The following RICTOR variants were observed in gnomAD, a reference collection of about 807,000 sequenced individuals.
RICTOR encodes rapamycin-insensitive companion of mTOR.
In RICTOR, 49 loss-of-function variants were observed where a neutral mutation model predicts 214.9. The observed-to-expected ratio is 0.23, with a 90% confidence interval of 0.18 to 0.29. The LOEUF is 0.29. RICTOR is among the 10% of genes least tolerant of loss of function. RICTOR has a pLI of 1.00. For synonymous variants in RICTOR, 717 were observed against 711.3 expected (o/e 1.01, Z -0.13); for missense variants, 1,625 against 2,047.0 (o/e 0.79, Z 3.98).
At chr5:38,984,706 T>A (rs1239264) in intron 7 of RICTOR, among the ~76,000 whole-genome samples, 1 of 152,078 alleles carries the variant, frequency 6.6e-6, no homozygotes, top group Admixed American at 6.5e-5. Flanking sequence ...CAAGAAGGAA[T>A]GTAACCAACA....
At chr5:39,061,096 T>C (rs1561077430) in intron 2 of RICTOR, among the ~76,000 whole-genome samples, 1 of 152,084 alleles carries the variant, frequency 6.6e-6, no homozygotes, top group African/African-American at 2.4e-5. Context: ...TCAAAGACGA[T>C]TAAACATTTA....
At chr5:39,071,257 T>C (rs1257956623) in intron 2 of RICTOR, among the ~76,000 whole-genome samples, 1 of 152,230 alleles carries the variant, frequency 6.6e-6, no homozygotes, top group Non-Finnish European at 1.5e-5. Flanking sequence ...AGACTTAATT[T>C]ATTGGTAATG....
chr5:38,984,168 T>C (rs1262016947), intron 7 of RICTOR, among the ~76,000 whole-genome samples: 3 of 151,924 alleles, frequency 2.0e-5, no homozygotes, highest in Admixed American at 6.6e-5. Context: ...TGTGAGTGAC[T>C]GGAAATTAAA....
intron 11 of RICTOR, chr5:38,970,032 G>A (rs1008873947): frequency 5.9e-5 from 9 of 151,952 alleles, no homozygotes; most frequent in Admixed American, 1.3e-4. Context: ...TTAGATACAC[G>A]AATTCCATTG....
chr5:38,990,614 TACG>T (rs1370976120), intron 7 of RICTOR, among the ~76,000 whole-genome samples: 1 of 101,066 alleles, frequency 9.9e-6, no homozygotes, highest in South Asian at 2.8e-4. Flanking sequence ...ATGATATATA[TACG>T]ATATATGATA....
intron 2 of RICTOR, among the ~76,000 whole-genome samples, chr5:39,025,744 C>T (rs917210947): frequency 6.6e-6 from 1 of 152,128 alleles, no homozygotes; most frequent in Non-Finnish European, 1.5e-5. Context: ...GGCACTAATT[C>T]CACTTGTGAG....
intron 10 of RICTOR, among the ~76,000 whole-genome samples, chr5:38,972,174 T>TA (rs1750843061): frequency 6.6e-6 from 1 of 152,228 alleles, no homozygotes; most frequent in African/African-American, 2.4e-5. Context: ...TTTCGTCATT[T>TA]AAATTCCATC....
chr5:38,940,031 T>TG lies in RICTOR; in HGVS notation c.*2272_*2273insC. 4.4e-6 allele frequency: 1 copy of TG among 226,674 alleles called. No individual in the cohort carries two copies. The highest frequency in any genetic ancestry group is 8.8e-6 in the Non-Finnish European group (1 of 114,212). 14.0% of individuals were successfully genotyped at this position (226,674 alleles called of 1,614,324 possible). The stretch of plus-strand genomic sequence containing the variant: ...ATTTAAGCGTAGACTTTTTTTTTTT[T>TG]TTAGTATACTGATAACCACAAAGCT... On this transcript the variant is annotated 3_prime_UTR_variant, in exon 38 of 38. Transcript: ENST00000357387.
At chr5:39,006,051 G>A in intron 3 of RICTOR, among the ~76,000 whole-genome samples, 1 of 152,166 alleles carries the variant, frequency 6.6e-6, no homozygotes. Flanking sequence ...ATCTAGGTAG[G>A]ACTCCACCAA....
chr5:39,028,208 A>C (rs1200899071), intron 2 of RICTOR, among the ~76,000 whole-genome samples: 1 of 94,028 alleles, frequency 1.1e-5, no homozygotes, highest in South Asian at 3.8e-4. Flanking sequence ...TTTGAGACGG[A>C]GTCTCGCTCT....
chr5:39,040,542 A>G (rs1449045975), intron 2 of RICTOR, among the ~76,000 whole-genome samples: 2 of 152,254 alleles, frequency 1.3e-5, no homozygotes, highest in Non-Finnish European at 2.9e-5. Context: ...TTTACTTAGA[A>G]TATGTTTTAT....
rs559827985 is a variant in RICTOR, at chr5:38,941,413, T to G, written c.*891A>C. On this transcript the variant is annotated 3_prime_UTR_variant, in exon 38 of 38. Coordinates refer to ENST00000357387, the MANE Select transcript of RICTOR (RefSeq NM_152756.5). ...TCTTTTCCTCAGGAGATCCAAAGTATTATTTAATGCTTTCCTATCCTTTAG... is the reference window on the plus strand; with the variant it reads ...TCTTTTCCTCAGGAGATCCAAAGTAGTATTTAATGCTTTCCTATCCTTTAG... The G allele has an allele frequency of 1.1e-4, 25 of 231,976 alleles. No homozygotes were observed. Among genetic ancestry groups the G allele is most frequent in the Non-Finnish European group, 1.8e-4 (21 of 117,086 alleles). 14.4% of individuals were successfully genotyped at this position (231,976 alleles called of 1,614,324 possible).
Position 38,938,565 on chromosome 5 carries a change from C to T in RICTOR, c.*3739G>A, listed in dbSNP as rs1320442281. On this transcript the variant is annotated 3_prime_UTR_variant, in exon 38 of 38. Transcript: ENST00000357387. ...TTATGCATGCTGTGGTGCAGCTATC[C>T]GATACTTACATTACAAAAATACTCC... The T allele has an allele frequency of 8.6e-6, 2 of 232,474 alleles. No individual in the cohort carries two copies. Among genetic ancestry groups the T allele is most frequent in the African/African-American group, 2.2e-5 (1 of 45,238 alleles). 14.4% of individuals were successfully genotyped at this position (232,474 alleles called of 1,614,324 possible).
chr5:39,043,454 A>C (rs1018032787), intron 2 of RICTOR, among the ~76,000 whole-genome samples: 3 of 152,202 alleles, frequency 2.0e-5, no homozygotes, highest in Non-Finnish European at 4.4e-5. Flanking sequence ...AGTACAGAGT[A>C]GAAGAGTGGA....
chr5:39,005,462 T>C (rs1753984549), intron 3 of RICTOR, among the ~76,000 whole-genome samples: 1 of 152,178 alleles, frequency 6.6e-6, no homozygotes, highest in South Asian at 2.1e-4. Flanking sequence ...ATGTAGATAC[T>C]GTATTATTCC....
Position 38,939,102 on chromosome 5 carries a change from A to G in RICTOR, c.*3202T>C. On this transcript the variant is annotated 3_prime_UTR_variant, in exon 38 of 38. Coordinates refer to ENST00000357387, the MANE Select transcript of RICTOR (RefSeq NM_152756.5). Reference sequence around the variant, plus strand: ...ACTGCAGTTATAATTTGAATGACAGACAATTTGGTTTTTATTGCTTAATGA... The same window carrying G: ...ACTGCAGTTATAATTTGAATGACAGGCAATTTGGTTTTTATTGCTTAATGA... 1 of 233,136 alleles carries G rather than the reference A, an allele frequency of 4.3e-6. No homozygotes were observed. The allele number at this position is 233,136 out of a possible 1,614,324, so 14.4% of individuals were successfully genotyped here.
chr5:39,001,711 A>T (rs1370810588), intron 5 of RICTOR, among the ~76,000 whole-genome samples: 1 of 152,096 alleles, frequency 6.6e-6, no homozygotes, highest in Non-Finnish European at 1.5e-5. Flanking sequence ...TCCAATTTAC[A>T]AATGAGCAAA....
chr5:39,070,407 T>C (rs1245055881), intron 2 of RICTOR, among the ~76,000 whole-genome samples: 1 of 152,000 alleles, frequency 6.6e-6, no homozygotes, highest in Non-Finnish European at 1.5e-5. Context: ...AAGCGGAGCT[T>C]GCAGTGAGCC....
rs1459098126 is a variant in RICTOR at position 39,073,785 on chromosome 5, T to G, written c.97+326A>C. Among the ~76,000 whole-genome samples the G allele has an allele frequency of 3.3e-5, 5 of 152,240 alleles. No individual in the cohort carries two copies. The East Asian group carries it at 9.7e-4, about 30-fold the overall frequency. On this transcript the variant is annotated intron_variant, in intron 2 of 37. Coordinates refer to ENST00000357387, the MANE Select transcript of RICTOR (RefSeq NM_152756.5). Reference sequence around the variant, plus strand: ...CTGCCCCTAGCTTGGGCTGCCGGACTCCGGGATAGGTGCAAACCACTCTGC... The same window carrying G: ...CTGCCCCTAGCTTGGGCTGCCGGACGCCGGGATAGGTGCAAACCACTCTGC...
Sources: allele counts gnomAD v4.1 joint callset (sites outside exome capture counted in the v4.1 genomes callset), GRCh38; gene constraint gnomAD v4.1.1; transcripts MANE v1.5; gene names NCBI Gene and HGNC (gene_info 2026-07-23, HGNC 2026-07-21).